The following ADGRF5 variants were observed in gnomAD, a reference collection of about 807,000 sequenced individuals.
ADGRF5 encodes adhesion G protein-coupled receptor F5.
In ADGRF5, 75 loss-of-function variants were observed where a neutral mutation model predicts 132.3. That is an observed-to-expected ratio of 0.57 (90% CI 0.47 to 0.69). The LOEUF (loss-of-function observed/expected upper bound fraction) is 0.69. ADGRF5 is among the 30% of genes least tolerant of loss of function. ADGRF5 has a pLI of 0.00. For synonymous variants in ADGRF5, 629 were observed against 597.6 expected, an observed-to-expected ratio of 1.05 and a Z score of -0.77; for missense variants, 1,516 against 1,630.6, an observed-to-expected ratio of 0.93 and a Z score of 1.21.
rs774319354 is a variant in ADGRF5, at chr6:46,888,324, C to G, written c.328+11G>C. Reference sequence around the variant, plus strand: ...AATCATTTATTCTGAAGCAATGGGTCTCTTACTCACCTGTTGTCACATTTA... The same window carrying G: ...AATCATTTATTCTGAAGCAATGGGTGTCTTACTCACCTGTTGTCACATTTA... On this transcript the variant is annotated intron_variant, in intron 4 of 20. Transcript: ENST00000283296. 1 of 1,580,416 alleles carries G rather than the reference C, an allele frequency of 6.3e-7. No homozygotes were observed. Among genetic ancestry groups the G allele is most frequent in the Non-Finnish European group, 8.7e-7 (1 of 1,149,564 alleles).
intron 19 of ADGRF5, among the ~76,000 whole-genome samples, chr6:46,856,266 T>G (rs1184810908): frequency 6.6e-6 from 1 of 152,246 alleles, no homozygotes; most frequent in Non-Finnish European, 1.5e-5. Context: ...TTGTTAGGCT[T>G]CTAGCATTTT....
intron 1 of ADGRF5, among the ~76,000 whole-genome samples, chr6:46,933,967 A>T (rs991713443): frequency 6.6e-6 from 1 of 152,238 alleles, no homozygotes; most frequent in Non-Finnish European, 1.5e-5. Context: ...AACCACATCT[A>T]TTTTTAGTTT....
intron 10 of ADGRF5, among the ~76,000 whole-genome samples, chr6:46,872,883 T>C (rs1245155480): frequency 1.3e-5 from 2 of 152,216 alleles, no homozygotes; most frequent in Non-Finnish European, 2.9e-5. Context: ...AACGTAAATG[T>C]GTCTTTTTCA....
intron 1 of ADGRF5, among the ~76,000 whole-genome samples, chr6:46,926,954 G>A (rs772138627): frequency 6.6e-6 from 1 of 152,050 alleles, no homozygotes; most frequent in Non-Finnish European, 1.5e-5. Context: ...TACATCCTGG[G>A]TGCGGGCACT....
At chr6:46,891,394 G>A (rs1440690710) in intron 3 of ADGRF5, among the ~76,000 whole-genome samples, 1 of 152,176 alleles carries the variant, frequency 6.6e-6, no homozygotes. Context: ...TACAAGTTCT[G>A]CCTTAGCGCA....
chr6:46,901,433 G>C (rs534666789), intron 2 of ADGRF5, among the ~76,000 whole-genome samples: 1 of 152,138 alleles, frequency 6.6e-6, no homozygotes, highest in East Asian at 1.9e-4. Flanking sequence ...CCGCCACCTG[G>C]GGCAGAGCTC....
At chr6:46,944,953 C>T (rs1233529190) in intron 1 of ADGRF5, among the ~76,000 whole-genome samples, 1 of 152,104 alleles carries the variant, frequency 6.6e-6, no homozygotes, top group Non-Finnish European at 1.5e-5. Flanking sequence ...CCATTGTTCC[C>T]CTTCAGACAG....
chr6:46,925,898 G>A (rs1260764239), upstream of ADGRF5, among the ~76,000 whole-genome samples: 4 of 152,162 alleles, frequency 2.6e-5, no homozygotes, highest in African/African-American at 9.7e-5. Context: ...ATCTTGGCAG[G>A]GTAAGCCCTG....
chr6:46,939,666 T>C (rs1345443133), intron 1 of ADGRF5, among the ~76,000 whole-genome samples: 1 of 152,194 alleles, frequency 6.6e-6, no homozygotes, highest in Non-Finnish European at 1.5e-5. Flanking sequence ...TTGAATTTTG[T>C]TTGTGAGGAC....
chr6:46,859,202 C>T lies in ADGRF5; in HGVS notation c.2701G>A (p.Ala901Thr), dbSNP rs759533590. ...LQSDSSIVTM[A>T]FPTLQAILAQ... ...AGGATGGCTTGGAGAGTTGGGAAAG[C>T]CATGGTGACAATAGACGAATCCGAC... Residue 901 changes from alanine (A) to threonine (T), a missense_variant, in exon 17 of 21, where the codon GCT (alanine) becomes ACT (threonine). Coordinates refer to ENST00000283296, the MANE Select transcript of ADGRF5 (RefSeq NM_001098518.2). 1.2e-6 allele frequency: 2 copies of T among 1,614,080 alleles called. No homozygotes were observed. Among genetic ancestry groups the T allele is most frequent in the Admixed American group, 3.3e-5 (2 of 60,020 alleles).
chr6:46,917,955 A>C (rs1562238096), intron 1 of ADGRF5, among the ~76,000 whole-genome samples: 1 of 152,272 alleles, frequency 6.6e-6, no homozygotes, highest in South Asian at 2.1e-4. Flanking sequence ...AATGCCTGTA[A>C]CTTGCTTTCC....
intron 1 of ADGRF5, among the ~76,000 whole-genome samples, chr6:46,954,448 A>C (rs1233810527): frequency 6.6e-6 from 1 of 152,110 alleles, no homozygotes; most frequent in Non-Finnish European, 1.5e-5. Context: ...AAAAAAAAAA[A>C]AACTACTTCT....
intron 1 of ADGRF5, among the ~76,000 whole-genome samples, chr6:46,939,268 A>G (rs1033259914): frequency 3.3e-5 from 5 of 152,200 alleles, no homozygotes; most frequent in South Asian, 2.1e-4. Context: ...TTGCTTTAAC[A>G]TGGTTCGTTG....
intron 10 of ADGRF5, among the ~76,000 whole-genome samples, chr6:46,875,641 G>A (rs1771571482): frequency 6.6e-6 from 1 of 152,130 alleles, no homozygotes. Flanking sequence ...GCAGGGTGTG[G>A]TGGCAGGCAC....
At position 46,862,974 on chromosome 6, in the gene ADGRF5, T is replaced by C. The variant is rs1405451052; in HGVS notation, c.2113A>G (p.Thr705Ala). ...SPESPIGGTI[T>A]YKCVGSQWEE... ...CACTGGGAGCCTACACATTTGTAAG[T>C]GATGGTCCCGCCAATGGGACTCTCA... Residue 705 changes from threonine to alanine, a missense_variant, in exon 15 of 21, where the codon ACT (threonine) becomes GCT (alanine). This residue lies in a region of ADGRF5 where 945 missense variants were observed against 929.4 expected (regional missense o/e 1.02). Transcript: ENST00000283296. The C allele has an allele frequency of 1.9e-6, 3 of 1,613,534 alleles. No homozygotes were observed. Among genetic ancestry groups the C allele is most frequent in the African/African-American group, 1.3e-5 (1 of 74,920 alleles).
chr6:46,924,799 A>G (rs992777208), upstream of ADGRF5, among the ~76,000 whole-genome samples: 1 of 152,202 alleles, frequency 6.6e-6, no homozygotes, highest in Non-Finnish European at 1.5e-5. Context: ...AAACCCTAAG[A>G]GTTATCCTTG....
chr6:46,862,246 A>G (rs1439542606), intron 15 of ADGRF5, among the ~76,000 whole-genome samples: 1 of 152,196 alleles, frequency 6.6e-6, no homozygotes, highest in African/African-American at 2.4e-5. Flanking sequence ...CAGTTGCATC[A>G]CCAGAATTTT....
chr6:46,946,094 A>G (rs1778291499), intron 1 of ADGRF5, among the ~76,000 whole-genome samples: 1 of 152,204 alleles, frequency 6.6e-6, no homozygotes, highest in African/African-American at 2.4e-5. Flanking sequence ...AGAGAAATCC[A>G]GGCAGAGGAA....
At chr6:46,929,351 G>A (rs1777427031) in intron 1 of ADGRF5, among the ~76,000 whole-genome samples, 1 of 152,016 alleles carries the variant, frequency 6.6e-6, no homozygotes, top group African/African-American at 2.4e-5. Context: ...GTGGGGTCGG[G>A]GGAGAGGGGA....
Sources: gnomAD v4.1 joint callset for allele counts (sites outside exome capture counted in the v4.1 genomes callset) on GRCh38, gnomAD v4.1.1 for gene constraint, gnomAD v4.1.1 regional missense constraint, MANE v1.5 for transcripts, NCBI Gene and HGNC (gene_info 2026-07-23, HGNC 2026-07-21) for gene names.